Variants in CCSER1 observed in about 807,000 individuals in gnomAD.
CCSER1 encodes the protein coiled-coil serine rich protein 1, also known as serine-rich coiled-coil domain-containing protein 1.
Under a neutral mutation model 82.0 loss-of-function variants are expected in CCSER1, and 41 were observed. The observed-to-expected ratio is 0.50, with a 90% CI of 0.39 to 0.65. The LOEUF (loss-of-function observed/expected upper bound fraction) is 0.65, where lower values mean the gene tolerates loss of function less well. Ranked by LOEUF, CCSER1 falls within the 30% of genes least tolerant of loss-of-function variation. The pLI is 0.00. For synonymous variants in CCSER1, 414 were observed against 383.9 expected (o/e 1.08, Z -0.92); for missense variants, 1,119 against 1,064.2 (o/e 1.05, Z -0.72).
chr4:90,835,466 C>T (rs1043482797), intron 8 of CCSER1, among the ~76,000 whole-genome samples: 1 of 152,130 alleles, frequency 6.6e-6, no homozygotes, highest in African/African-American at 2.4e-5. Flanking sequence ...TATTTAAGGC[C>T]TCTTTTACTG....
At chr4:90,361,380 A>G (rs17815118) in intron 3 of CCSER1, among the ~76,000 whole-genome samples, 1 of 152,096 alleles carries the variant, frequency 6.6e-6, no homozygotes, top group Non-Finnish European at 1.5e-5. Context: ...CTAAAATAAA[A>G]TTACAACTTA....
At chr4:90,257,710 T>A (rs1318731310) in intron 1 of CCSER1, among the ~76,000 whole-genome samples, 1 of 152,166 alleles carries the variant, frequency 6.6e-6, no homozygotes, top group Non-Finnish European at 1.5e-5. Flanking sequence ...AGATTTGCTG[T>A]TGGCTGTCTG....
intron 10 of CCSER1, among the ~76,000 whole-genome samples, chr4:91,288,081 CATATATATATAGG>C (rs371406102): frequency 1.0e-4 from 15 of 147,416 alleles, no homozygotes; most frequent in African/African-American, 2.2e-4. Context: ...TATATACACT[CATATATATATAGG>C]ATATATATAT....
chr4:90,463,793 ACTCTAGGCAC>A (rs1763269885), intron 4 of CCSER1, among the ~76,000 whole-genome samples: 1 of 152,042 alleles, frequency 6.6e-6, no homozygotes, highest in Admixed American at 6.6e-5. Flanking sequence ...ACTTATAACT[ACTCTAGGCAC>A]CTTCAGTCAC....
chr4:91,590,473 G>T (rs567390098), intron 10 of CCSER1, among the ~76,000 whole-genome samples: 4 of 152,148 alleles, frequency 2.6e-5, no homozygotes, highest in South Asian at 4.2e-4. Flanking sequence ...CAGATTCCAC[G>T]TCTAAGGCTA....
chr4:91,115,652 T>C (rs1481645392), intron 10 of CCSER1, among the ~76,000 whole-genome samples: 3 of 152,074 alleles, frequency 2.0e-5, no homozygotes, highest in African/African-American at 7.2e-5. Context: ...TTTTGCTTTC[T>C]ACTTTTGCCT....
At chr4:90,691,595 A>ACATGTATAATG in intron 6 of CCSER1, among the ~76,000 whole-genome samples, 1 of 108,648 alleles carries the variant, frequency 9.2e-6, no homozygotes, top group South Asian at 2.8e-4. Context: ...TGAATATATC[A>ACATGTATAATG]CATGTGTATA....
intron 5 of CCSER1, among the ~76,000 whole-genome samples, chr4:90,615,113 A>G (rs1720938436): frequency 1.3e-5 from 2 of 152,170 alleles, no homozygotes; most frequent in Admixed American, 6.5e-5. Flanking sequence ...GGAACACTGA[A>G]TATTTTAAGC....
chr4:90,158,658 C>T lies in CCSER1; in HGVS notation c.-42+30827C>T, dbSNP rs1018286603. ...GCTGTGCTAGCAATCAGTGAGACTC[C>T]GTGGGCGTAGGACCCTCTGAGCCAG... On this transcript the variant is annotated intron_variant, in intron 1 of 10. Transcript: ENST00000509176. Among the ~76,000 whole-genome samples, 7 of 152,180 alleles carry T rather than the reference C, an allele frequency of 4.6e-5. No individual in the cohort carries two copies. The East Asian group carries it at 5.8e-4, about 13-fold the overall frequency.
intron 10 of CCSER1, among the ~76,000 whole-genome samples, chr4:91,160,706 G>T (rs1288364167): frequency 6.6e-6 from 1 of 152,122 alleles, no homozygotes; most frequent in Non-Finnish European, 1.5e-5. Flanking sequence ...TTTGAGAAGT[G>T]TCTGTACATA....
At chr4:91,265,065 T>C (rs78253760) in intron 10 of CCSER1, among the ~76,000 whole-genome samples, 2,730 of 152,116 alleles carry the variant, frequency 0.018, 84 homozygotes, top group African/African-American at 0.06. Context: ...GAAAGAAATA[T>C]CTGAAGTAAC....
chr4:91,367,714 A>G (rs1356216192), intron 10 of CCSER1, among the ~76,000 whole-genome samples: 1 of 152,094 alleles, frequency 6.6e-6, no homozygotes, highest in East Asian at 1.9e-4. Context: ...TTCCTCTCTC[A>G]ATACTACCTG....
chr4:90,786,227 T>C (rs1224604290), intron 7 of CCSER1, among the ~76,000 whole-genome samples: 4 of 152,162 alleles, frequency 2.6e-5, no homozygotes, highest in Non-Finnish European at 4.4e-5. Flanking sequence ...AGGAAACTGA[T>C]AGAGGAGAAA....
At chr4:90,543,927 C>T (rs1016218013) in intron 5 of CCSER1, among the ~76,000 whole-genome samples, 3 of 152,126 alleles carry the variant, frequency 2.0e-5, no homozygotes, top group African/African-American at 7.2e-5. Flanking sequence ...TTTCACCCTG[C>T]ATCTCAGCTA....
At chr4:90,625,317 C>G (rs1363600839) in intron 5 of CCSER1, among the ~76,000 whole-genome samples, 1 of 152,038 alleles carries the variant, frequency 6.6e-6, no homozygotes, top group African/African-American at 2.4e-5. Context: ...TTTTTCTGCC[C>G]AATAATGGCT....
intron 3 of CCSER1, 59 bp from the exon 4 acceptor site, chr4:90,399,977 G>T: frequency 1.1e-6 from 1 of 925,596 alleles, no homozygotes. Flanking sequence ...CCACATATGA[G>T]TATTTCCTCA....
At chr4:90,994,575 A>G (rs781359716) in intron 9 of CCSER1, among the ~76,000 whole-genome samples, 2 of 142,096 alleles carry the variant, frequency 1.4e-5, no homozygotes, top group East Asian at 4.5e-4. Flanking sequence ...ACAAAAACGT[A>G]TGAGTCTATT....
At chr4:91,541,224 A>G (rs1761577709) in intron 10 of CCSER1, among the ~76,000 whole-genome samples, 1 of 152,040 alleles carries the variant, frequency 6.6e-6, no homozygotes, top group African/African-American at 2.4e-5. Context: ...ATCATTCACT[A>G]CAGTTTTTCT....
At chr4:90,435,475 A>G (rs1758876208) in intron 4 of CCSER1, among the ~76,000 whole-genome samples, 1 of 152,166 alleles carries the variant, frequency 6.6e-6, no homozygotes, top group Non-Finnish European at 1.5e-5. Context: ...ATTAACTCCA[A>G]TATTGTGCTC....
Sources: allele counts gnomAD v4.1 joint callset (sites outside exome capture counted in the v4.1 genomes callset), GRCh38; gene constraint gnomAD v4.1.1; transcripts MANE v1.5; gene names NCBI Gene and HGNC (gene_info 2026-07-23, HGNC 2026-07-21).